Variants in RNF220 observed in about 807,000 individuals in gnomAD.
RNF220 encodes E3 ubiquitin-protein ligase RNF220.
Under a neutral mutation model 67.1 loss-of-function variants are expected in RNF220, and 7 were observed. The observed-to-expected ratio is 0.10, with a 90% CI of 0.06 to 0.20. RNF220 has a LOEUF of 0.20. RNF220 is among the 10% of genes least tolerant of loss of function. RNF220 has a pLI of 1.00. For synonymous variants in RNF220, 270 were observed against 283.2 expected (o/e 0.95, Z 0.47); for missense variants, 565 against 740.3 (o/e 0.76, Z 2.75).
At chr1:44,519,998 T>C (rs544572648) in intron 2 of RNF220, among the ~76,000 whole-genome samples, 1 of 151,506 alleles carries the variant, frequency 6.6e-6, no homozygotes, top group Non-Finnish European at 1.5e-5. Context: ...AGCAGAGACA[T>C]GACAAGAAGG....
intron 2 of RNF220, among the ~76,000 whole-genome samples, chr1:44,585,181 G>A (rs1467934994): frequency 2.6e-5 from 4 of 152,034 alleles, no homozygotes; most frequent in Admixed American, 1.3e-4. Context: ...AGTGCCTCTC[G>A]TCCCCAGGTC....
chr1:44,611,073 C>A (rs1223398924), intron 2 of RNF220, among the ~76,000 whole-genome samples: 1 of 152,204 alleles, frequency 6.6e-6, no homozygotes, highest in African/African-American at 2.4e-5. Flanking sequence ...CACGTCATGA[C>A]CACAGGTCTC....
At chr1:44,433,509 G>GT (rs986389463) in intron 2 of RNF220, among the ~76,000 whole-genome samples, 3 of 152,148 alleles carry the variant, frequency 2.0e-5, no homozygotes, top group Non-Finnish European at 4.4e-5. Flanking sequence ...GAAAATTGGA[G>GT]TTTTTTCCAA....
chr1:44,536,699 T>C (rs1661251130), intron 2 of RNF220, among the ~76,000 whole-genome samples: 1 of 152,174 alleles, frequency 6.6e-6, no homozygotes, highest in South Asian at 2.1e-4. Context: ...CCTCTGCTGC[T>C]GCCGCCACCA....
At chr1:44,562,327 G>A (rs1461631724) in intron 2 of RNF220, among the ~76,000 whole-genome samples, 1 of 152,182 alleles carries the variant, frequency 6.6e-6, no homozygotes, top group African/African-American at 2.4e-5. Flanking sequence ...GGGGAATCCA[G>A]GGCCCTGCAG....
chr1:44,482,232 C>A (rs541732903), intron 2 of RNF220, among the ~76,000 whole-genome samples: 65 of 152,316 alleles, frequency 4.3e-4, no homozygotes, highest in African/African-American at 1.5e-3. Flanking sequence ...CAAACAGATT[C>A]ATTTTTCCAT....
chr1:44,407,951 C>G (rs1175322961), intron 1 of RNF220, among the ~76,000 whole-genome samples: 1 of 152,192 alleles, frequency 6.6e-6, no homozygotes, highest in African/African-American at 2.4e-5. Context: ...GACCAGGGGC[C>G]CTTGCACGTG....
chr1:44,612,091 T>C (rs270734), intron 2 of RNF220, among the ~76,000 whole-genome samples: 151,304 of 152,302 alleles, frequency 0.99, 75,159 homozygotes, highest in Middle Eastern at 1. Flanking sequence ...CCCGAGCATC[T>C]GAGGCACAGC....
intron 2 of RNF220, among the ~76,000 whole-genome samples, chr1:44,551,680 AG>A (rs1303619169): frequency 6.6e-6 from 1 of 152,192 alleles, no homozygotes; most frequent in African/African-American, 2.4e-5. Context: ...GATTAGCCAA[AG>A]GGGAAAAAAA....
chr1:44,625,418 C>T (rs1489730705), intron 4 of RNF220, among the ~76,000 whole-genome samples: 1 of 152,206 alleles, frequency 6.6e-6, no homozygotes, highest in East Asian at 1.9e-4. Flanking sequence ...TCCTAAGGCT[C>T]AGCCGGAGAT....
chr1:44,578,859 C>T (rs1220793707), intron 2 of RNF220, among the ~76,000 whole-genome samples: 1 of 152,138 alleles, frequency 6.6e-6, no homozygotes, highest in Non-Finnish European at 1.5e-5. Context: ...TTCTGTTTTC[C>T]ACACAGAAAA....
At chr1:44,415,009 C>A (rs569475547) in intron 2 of RNF220, among the ~76,000 whole-genome samples, 1 of 149,006 alleles carries the variant, frequency 6.7e-6, no homozygotes, top group South Asian at 2.2e-4. Context: ...TGGAGTTGTG[C>A]TTTTTACTCC....
intron 2 of RNF220, among the ~76,000 whole-genome samples, chr1:44,529,367 A>AC (rs199733500): frequency 5.9e-5 from 9 of 151,584 alleles, no homozygotes; most frequent in Non-Finnish European, 1.2e-4. Context: ...ACACACACAC[A>AC]AACACACACA....
chr1:44,560,887 C>T (rs1284505879), intron 2 of RNF220, among the ~76,000 whole-genome samples: 2 of 139,796 alleles, frequency 1.4e-5, no homozygotes, highest in Non-Finnish European at 3.4e-5. Context: ...TGACCTCCTA[C>T]TTCCTGCCAG....
intron 2 of RNF220, among the ~76,000 whole-genome samples, chr1:44,506,991 A>G (rs1658490390): frequency 6.6e-6 from 1 of 152,184 alleles, no homozygotes; most frequent in South Asian, 2.1e-4. Flanking sequence ...CTGGGTAAGT[A>G]TGAGAAGCAG....
At chr1:44,465,575 A>G (rs1454568933) in intron 2 of RNF220, among the ~76,000 whole-genome samples, 1 of 151,858 alleles carries the variant, frequency 6.6e-6, no homozygotes, top group East Asian at 1.9e-4. Context: ...TGGCTGCAAT[A>G]TGCCATTTTT....
intron 2 of RNF220, among the ~76,000 whole-genome samples, chr1:44,523,684 G>T (rs1049046168): frequency 7.2e-5 from 11 of 152,000 alleles, no homozygotes; most frequent in Non-Finnish European, 1.5e-4. Flanking sequence ...TTCGCATGGT[G>T]TTAGGGAGAG....
rs1444980694 is a variant in RNF220, at chr1:44,405,467, C to T, written c.-181C>T. On this transcript the variant is annotated 5_prime_UTR_variant, in exon 1 of 15. Coordinates refer to ENST00000361799, the MANE Select transcript of RNF220 (RefSeq NM_018150.4). ...CCCGGGACTTTTCATGCACCACACTCTCCGCCTGCTTCCCTCCGTGTCCTG... is the reference window on the plus strand; with the variant it reads ...CCCGGGACTTTTCATGCACCACACTTTCCGCCTGCTTCCCTCCGTGTCCTG... The T allele has an allele frequency of 1.8e-6, 1 of 549,538 alleles. No individual in the cohort carries two copies. The highest frequency in any genetic ancestry group is 3.2e-6 in the Non-Finnish European group (1 of 310,582). 34.0% of individuals were successfully genotyped at this position (549,538 alleles called of 1,614,324 possible). A position where few individuals can be genotyped will look rare whatever the true frequency, so the allele number is the denominator to read the frequency against.
chr1:44,513,206 G>C (rs774310134), intron 2 of RNF220, among the ~76,000 whole-genome samples: 5 of 152,150 alleles, frequency 3.3e-5, no homozygotes, highest in African/African-American at 4.8e-5. Flanking sequence ...TTATTCCAAG[G>C]CTATGAGATC....
Sources: gnomAD v4.1 joint callset for allele counts (sites outside exome capture counted in the v4.1 genomes callset) on GRCh38, gnomAD v4.1.1 for gene constraint, MANE v1.5 for transcripts, NCBI Gene and HGNC (gene_info 2026-07-23, HGNC 2026-07-21) for gene names.